Variants in CTNND2 observed in about 807,000 individuals in gnomAD.
CTNND2 encodes the protein catenin delta-2.
Under a neutral mutation model 144.4 loss-of-function variants are expected in CTNND2, and 22 were observed. That is an observed-to-expected ratio of 0.15 (90% CI 0.11 to 0.22). The LOEUF (loss-of-function observed/expected upper bound fraction) is 0.22, where lower values mean the gene tolerates loss of function less well. Ranked by LOEUF, CTNND2 falls within the 10% of genes least tolerant of loss-of-function variation. The pLI, the probability that CTNND2 is intolerant of heterozygous loss-of-function variation, is 1.00. For missense variants in CTNND2, 1,353 were observed against 1,618.8 expected, an observed-to-expected ratio of 0.84 and a Z score of 2.82; for synonymous variants, 751 against 695.6, an observed-to-expected ratio of 1.08 and a Z score of -1.25.
chr5:11,511,751 T>A (rs1433330809), intron 3 of CTNND2, among the ~76,000 whole-genome samples: 1 of 152,132 alleles, frequency 6.6e-6, no homozygotes, highest in Non-Finnish European at 1.5e-5. Context: ...GTTCCATAGG[T>A]TTCTGTCCGT....
rs182545072 is a variant in CTNND2, at chr5:11,130,674, C to T, written c.2160-13107G>A. 1.1e-4 allele frequency among the ~76,000 whole-genome samples: 16 copies of T among 152,260 alleles called. 1 individual carries two copies. The East Asian group carries it at 2.9e-3, about 28-fold the overall frequency. On this transcript the variant is annotated intron_variant, in intron 12 of 21. Coordinates refer to ENST00000304623, the MANE Select transcript of CTNND2 (RefSeq NM_001332.4). ...TTGTGCTCCACAAACACTCACGTGCCGCTCACAGTTGTTCTTTCCTAACTT... is the reference window on the plus strand; with the variant it reads ...TTGTGCTCCACAAACACTCACGTGCTGCTCACAGTTGTTCTTTCCTAACTT...
At chr5:11,617,828 A>G (rs952792478) in intron 2 of CTNND2, among the ~76,000 whole-genome samples, 3 of 152,244 alleles carry the variant, frequency 2.0e-5, no homozygotes, top group Admixed American at 6.5e-5. Context: ...GGAAGGGAAT[A>G]CAGAACTGCC....
In CTNND2 at chr5:11,416,307, T is replaced by TA. The variant is rs1453061267; in HGVS notation, c.288-4239dup. On this transcript the variant is annotated intron_variant, in intron 3 of 21. Transcript: ENST00000304623. ...AGAAGAAACTCTTTTTATTATAATT[T>TA]AAAAAATATAATTGGAAGTGAATAT... Among the ~76,000 whole-genome samples, 7 of 152,214 alleles carry TA rather than the reference T, an allele frequency of 4.6e-5. 1 individual carries two copies. The highest frequency in any genetic ancestry group is 4.6e-4 in the Admixed American group (7 of 15,282).
At chr5:11,401,631 T>C (rs1339736088) in intron 5 of CTNND2, among the ~76,000 whole-genome samples, 1 of 152,180 alleles carries the variant, frequency 6.6e-6, no homozygotes, top group Admixed American at 6.5e-5. Context: ...ATTCCAAGGA[T>C]TGTCCTGAGC....
At chr5:11,359,783 C>A (rs936649185) in intron 8 of CTNND2, among the ~76,000 whole-genome samples, 7 of 152,210 alleles carry the variant, frequency 4.6e-5, no homozygotes, top group Admixed American at 3.3e-4. Flanking sequence ...CAATGGCTGG[C>A]AGACGTAGGT....
intron 3 of CTNND2, among the ~76,000 whole-genome samples, chr5:11,521,752 T>A (rs868511885): frequency 1.3e-5 from 2 of 152,210 alleles, no homozygotes; most frequent in Non-Finnish European, 2.9e-5. Context: ...TGAGGCTAGA[T>A]GAAGTATCAG....
chr5:10,987,552 G>C (rs1372407731), intron 20 of CTNND2, among the ~76,000 whole-genome samples: 10 of 152,290 alleles, frequency 6.6e-5, no homozygotes, highest in African/African-American at 2.2e-4. Context: ...TGTCACGTAA[G>C]AGGTTGTATC....
intron 1 of CTNND2, among the ~76,000 whole-genome samples, chr5:11,785,657 A>G (rs201322167): frequency 2.9e-4 from 2 of 6,828 alleles, no homozygotes; most frequent in African/African-American, 3.0e-4. Context: ...TAAATAGTGG[A>G]AAAAAAAAAA....
At chr5:11,322,247 C>T (rs1287120896) in intron 9 of CTNND2, among the ~76,000 whole-genome samples, 1 of 152,124 alleles carries the variant, frequency 6.6e-6, no homozygotes, top group Non-Finnish European at 1.5e-5. Flanking sequence ...ATATCAGTGC[C>T]CAGCATTTTC....
chr5:11,705,288 G>A (rs919941790), intron 2 of CTNND2, among the ~76,000 whole-genome samples: 3 of 152,146 alleles, frequency 2.0e-5, no homozygotes, highest in African/African-American at 4.8e-5. Flanking sequence ...TGAGCACTAC[G>A]CCAGCCAGAA....
intron 9 of CTNND2, among the ~76,000 whole-genome samples, chr5:11,252,609 T>C (rs779782197): frequency 2.0e-5 from 3 of 152,214 alleles, no homozygotes; most frequent in Admixed American, 6.5e-5. Flanking sequence ...GGTGGTGCCA[T>C]AAATATTCCA....
intron 21 of CTNND2, among the ~76,000 whole-genome samples, chr5:10,974,428 C>G (rs979796798): frequency 2.4e-4 from 37 of 152,150 alleles, no homozygotes; most frequent in Admixed American, 2.4e-3. Context: ...ATGCATAGAC[C>G]ACATTTTATT....
In CTNND2 at chr5:11,366,572, T is replaced by G. The variant is rs73042258; in HGVS notation, c.1178-1682A>C. The stretch of plus-strand genomic sequence containing the variant: ...CATCACTCTGAATATTACCTCAAGC[T>G]TAAATTTTCCAGGAATATATTTAAG... On this transcript the variant is annotated intron_variant, in intron 7 of 21. Coordinates refer to ENST00000304623, the MANE Select transcript of CTNND2 (RefSeq NM_001332.4). Among the ~76,000 whole-genome samples, 548 of 152,316 alleles carry G rather than the reference T, an allele frequency of 3.6e-3. 8 individuals carry two copies. Among genetic ancestry groups the G allele is most frequent in the African/African-American group, 0.013 (527 of 41,568 alleles).
At chr5:11,000,958 T>C (rs1012581747) in intron 18 of CTNND2, among the ~76,000 whole-genome samples, 8 of 152,194 alleles carry the variant, frequency 5.3e-5, no homozygotes, top group African/African-American at 1.9e-4. Flanking sequence ...TTTCTTTGCA[T>C]AGGTGTCAGT....
At chr5:11,525,027 A>G (rs1215613903) in intron 3 of CTNND2, among the ~76,000 whole-genome samples, 1 of 152,256 alleles carries the variant, frequency 6.6e-6, no homozygotes, top group African/African-American at 2.4e-5. Context: ...TTACTAATTT[A>G]GAAAAGCAGG....
intron 9 of CTNND2, among the ~76,000 whole-genome samples, chr5:11,274,715 A>G (rs763200964): frequency 1.3e-5 from 2 of 152,288 alleles, no homozygotes; most frequent in Non-Finnish European, 2.9e-5. Flanking sequence ...TGCATAAGAT[A>G]TTATAGTTTA....
intron 16 of CTNND2, among the ~76,000 whole-genome samples, chr5:11,026,600 GC>G (rs1742859490): frequency 6.6e-6 from 1 of 151,934 alleles, no homozygotes; most frequent in African/African-American, 2.4e-5. Context: ...CAAGTGATCT[GC>G]CTGCCTCTGC....
At chr5:11,698,944 T>A (rs1785267640) in intron 2 of CTNND2, among the ~76,000 whole-genome samples, 1 of 150,664 alleles carries the variant, frequency 6.6e-6, no homozygotes, top group Admixed American at 6.6e-5. Flanking sequence ...GCATATTTTC[T>A]TTTCTTAATG....
At chr5:11,329,178 C>T (rs1290888957) in intron 9 of CTNND2, among the ~76,000 whole-genome samples, 1 of 152,124 alleles carries the variant, frequency 6.6e-6, no homozygotes, top group Non-Finnish European at 1.5e-5. Context: ...TTTTTTGAGA[C>T]AGAGTCTTGC....
Sources: allele counts gnomAD v4.1 joint callset (sites outside exome capture counted in the v4.1 genomes callset), GRCh38; gene constraint gnomAD v4.1.1; transcripts MANE v1.5; gene names NCBI Gene and HGNC (gene_info 2026-07-23, HGNC 2026-07-21).